The following DSCAML1 variants were observed in gnomAD, a reference collection of about 807,000 sequenced individuals.
DSCAML1 encodes DS cell adhesion molecule like 1, also known as cell adhesion molecule DSCAML1.
A neutral mutation model predicts 200.5 loss-of-function variants in DSCAML1; 38 were observed. The observed-to-expected ratio is 0.19, with a 90% CI of 0.15 to 0.25. DSCAML1 has a LOEUF of 0.25. DSCAML1 is among the 10% of genes least tolerant of loss of function. DSCAML1 has a pLI of 1.00. For missense variants in DSCAML1, 2,223 were observed against 2,858.8 expected, an observed-to-expected ratio of 0.78 and a Z score of 5.07; for synonymous variants, 1,215 against 1,165.0, an observed-to-expected ratio of 1.04 and a Z score of -0.87.
chr11:117,546,653 C>T (rs1260013352), intron 3 of DSCAML1, among the ~76,000 whole-genome samples: 1 of 152,052 alleles, frequency 6.6e-6, no homozygotes, highest in African/African-American at 2.4e-5. Flanking sequence ...AAGGGTCCCT[C>T]ACTGTCTCCG....
At chr11:117,467,249 G>A (rs35585361) in intron 16 of DSCAML1, among the ~76,000 whole-genome samples, 18,704 of 129,818 alleles carry the variant, frequency 0.14, 1,387 homozygotes, top group Admixed American at 0.23. Context: ...CCAGGAACAC[G>A]TATCCAGACC....
At chr11:117,684,186 G>T (rs1328791149) in intron 3 of DSCAML1, among the ~76,000 whole-genome samples, 1 of 152,156 alleles carries the variant, frequency 6.6e-6, no homozygotes, top group East Asian at 1.9e-4. Context: ...CTGTGCCCAT[G>T]TGCCAATCAC....
At chr11:117,710,386 C>A (rs1229307555) in intron 3 of DSCAML1, among the ~76,000 whole-genome samples, 1 of 152,198 alleles carries the variant, frequency 6.6e-6, no homozygotes, top group Non-Finnish European at 1.5e-5. Flanking sequence ...CAGCCGGCAG[C>A]CTTCCTTGGG....
chr11:117,451,480 T>C (rs999315437), intron 19 of DSCAML1, among the ~76,000 whole-genome samples: 7 of 152,232 alleles, frequency 4.6e-5, no homozygotes, highest in African/African-American at 1.7e-4. Flanking sequence ...TCCCTATCTA[T>C]ACAATGGAGA....
At chr11:117,447,878 G>T (rs2048212193) in intron 20 of DSCAML1, among the ~76,000 whole-genome samples, 1 of 152,208 alleles carries the variant, frequency 6.6e-6, no homozygotes, top group South Asian at 2.1e-4. Context: ...ATGAGTTTGT[G>T]TTGAAATTGT....
At chr11:117,690,510 C>T (rs541983192) in intron 3 of DSCAML1, among the ~76,000 whole-genome samples, 24 of 152,344 alleles carry the variant, frequency 1.6e-4, no homozygotes, top group East Asian at 1.4e-3. Flanking sequence ...GAGGCCTGTA[C>T]GCCTCTGAGA....
chr11:117,609,227 T>G (rs555200110), intron 3 of DSCAML1, among the ~76,000 whole-genome samples: 122 of 151,696 alleles, frequency 8.0e-4, no homozygotes, highest in African/African-American at 2.8e-3. Context: ...AGTGCCAAAT[T>G]GAAAGAGCAA....
At chr11:117,785,514 G>C (rs1052176444) in intron 1 of DSCAML1, among the ~76,000 whole-genome samples, 1 of 152,124 alleles carries the variant, frequency 6.6e-6, no homozygotes, top group African/African-American at 2.4e-5. Context: ...GAAACCAGCT[G>C]GATTGAGGAG....
intron 3 of DSCAML1, among the ~76,000 whole-genome samples, chr11:117,558,297 C>G (rs79574093): frequency 6.6e-6 from 1 of 152,140 alleles, no homozygotes; most frequent in African/African-American, 2.4e-5. Context: ...CCTTAAGGGC[C>G]TGCCAGGGTC....
intron 1 of DSCAML1, among the ~76,000 whole-genome samples, chr11:117,815,405 C>T (rs1458832677): frequency 1.3e-5 from 2 of 152,208 alleles, no homozygotes; most frequent in Non-Finnish European, 2.9e-5. Context: ...CAATTTTCCA[C>T]CTTCCACGGT....
At position 117,458,742 on chromosome 11, in the gene DSCAML1, G is replaced by T; in HGVS notation, c.3568+12C>A. 1.2e-6 allele frequency: 2 copies of T among 1,611,060 alleles called. No individual in the cohort carries two copies. The highest frequency in any genetic ancestry group is 2.2e-5 in the South Asian group (2 of 91,008). The stretch of plus-strand genomic sequence containing the variant: ...CAGGGCCAGCCTGTCCCAAGGAGAG[G>T]CCTGGACTCACCGTCCTCCTTGGTC... On this transcript the variant is annotated intron_variant, in intron 19 of 32. Transcript: ENST00000651296.
At chr11:117,514,149 C>T (rs1013208897) in intron 8 of DSCAML1, among the ~76,000 whole-genome samples, 1 of 152,226 alleles carries the variant, frequency 6.6e-6, no homozygotes, top group African/African-American at 2.4e-5. Context: ...CATGCCAGAG[C>T]CCCTTCCCAG....
At chr11:117,637,246 C>T (rs2052308406) in intron 3 of DSCAML1, among the ~76,000 whole-genome samples, 1 of 152,104 alleles carries the variant, frequency 6.6e-6, no homozygotes, top group Non-Finnish European at 1.5e-5. Flanking sequence ...GTGTAAGGGT[C>T]TAGAATCCTC....
Position 117,504,036 on chromosome 11 carries a change from C to T in DSCAML1, c.2183-15G>A, listed in dbSNP as rs745468602. 3.1e-6 allele frequency: 5 copies of T among 1,612,506 alleles called. No individual in the cohort carries two copies. Among genetic ancestry groups the T allele is most frequent in the African/African-American group, 1.3e-5 (1 of 75,016 alleles). On this transcript the variant is annotated splice_polypyrimidine_tract_variant and intron_variant, in intron 10 of 32. Transcript: ENST00000651296. This position sits in a 1 kb window ranked among gnomAD's most constrained non-coding sequence, Gnocchi z 5.0. ...GTTCCCGCTCCCTGGAAGGAGGCAG[C>T]TGTTAGGAGGGCTGAGTCTGCACTG...
intron 3 of DSCAML1, among the ~76,000 whole-genome samples, chr11:117,532,810 A>G (rs560955794): frequency 1.3e-5 from 2 of 152,140 alleles, no homozygotes; most frequent in East Asian, 3.9e-4. Flanking sequence ...TAGGATACAA[A>G]TAATTGGGTG....
Position 117,518,724 on chromosome 11 carries a change from CCTT to C in DSCAML1, c.1249_1251del (p.Lys417del), listed in dbSNP as rs1565759711. On this transcript the variant is annotated inframe_deletion, in exon 7 of 33. Coordinates refer to ENST00000651296, the MANE Select transcript of DSCAML1 (RefSeq NM_020693.4). The surrounding 1 kb of genome is among the most constrained non-coding windows in gnomAD (Gnocchi z 6.3). ...GAGAACTGCTCCCCGGGGTTGACCACCTTCTCGCTGAAGGACGAGACGATGCGG... is the reference window on the plus strand; with the variant it reads ...GAGAACTGCTCCCCGGGGTTGACCACCTCGCTGAAGGACGAGACGATGCGG... 6.2e-7 allele frequency: 1 copy of C among 1,612,920 alleles called. No homozygotes were observed. The highest frequency in any genetic ancestry group is 8.5e-7 in the Non-Finnish European group (1 of 1,180,010).
At chr11:117,563,010 C>T (rs947303036) in intron 3 of DSCAML1, among the ~76,000 whole-genome samples, 17 of 152,186 alleles carry the variant, frequency 1.1e-4, no homozygotes, top group African/African-American at 4.1e-4. Flanking sequence ...GTTATTATTA[C>T]AATCACTCAT....
rs753603715 is a variant in DSCAML1 at position 117,480,475 on chromosome 11, G to A, written c.2753C>T (p.Thr918Met). ...TQRFDGNSII[T>M]GFDIEYKNKS... ...GTTCTTGTATTCAATGTCGAAGCCC[G>A]TGATGATGCTGTTCCCGTCGAATCG... Residue 918 changes from threonine (T) to methionine (M), a missense_variant, in exon 14 of 33, where the codon ACG (threonine) becomes ATG (methionine). Thr to Met is a moderately conservative substitution (Grantham distance 81). Around this residue, in one of 7 missense-constraint regions of DSCAML1, gnomAD observed 438 missense variants for 629.7 expected, o/e 0.70. Coordinates refer to ENST00000651296, the MANE Select transcript of DSCAML1 (RefSeq NM_020693.4). The surrounding 1 kb of genome is among the most constrained non-coding windows in gnomAD (Gnocchi z 4.1). The A allele has an allele frequency of 5.6e-6, 9 of 1,613,370 alleles. No homozygotes were observed. The highest frequency in any genetic ancestry group is 2.7e-5 in the African/African-American group (2 of 74,908).
At chr11:117,551,279 C>T (rs1271105974) in intron 3 of DSCAML1, among the ~76,000 whole-genome samples, 3 of 152,340 alleles carry the variant, frequency 2.0e-5, no homozygotes, top group Non-Finnish European at 4.4e-5. Context: ...AAGCTGCATT[C>T]TCCAATCCCA....
Sources: gnomAD v4.1 joint callset for allele counts (sites outside exome capture counted in the v4.1 genomes callset) on GRCh38, gnomAD v4.1.1 for gene constraint, gnomAD v4.1.1 regional missense constraint, Gnocchi (gnomAD v3.1) non-coding constraint, MANE v1.5 for transcripts, NCBI Gene and HGNC (gene_info 2026-07-23, HGNC 2026-07-21) for gene names.